The following RO60 variants were observed in gnomAD, a reference collection of about 807,000 sequenced individuals.
RO60 encodes Ro60, Y RNA binding protein.
A neutral mutation model predicts 55.3 loss-of-function variants in RO60; 20 were observed. That is an observed-to-expected ratio of 0.36 (90% CI 0.25 to 0.53). RO60 has a LOEUF of 0.53. Ranked by LOEUF, RO60 falls within the 20% of genes least tolerant of loss-of-function variation. The probability of loss-of-function intolerance (pLI) is 0.92; values close to 1 mark genes in which losing one functional copy is unlikely to be tolerated. For synonymous variants in RO60, 213 were observed against 213.6 expected (o/e 1.00, Z 0.02); for missense variants, 558 against 646.6 (o/e 0.86, Z 1.49).
chr1:193,060,018 C>A (rs1229669745), intron 1 of RO60: 2 of 1,357,382 alleles, frequency 1.5e-6, no homozygotes, highest in Non-Finnish European at 2.0e-6. Flanking sequence ...TGGGCCCTTT[C>A]CGAAGCCGGG....
Position 193,082,599 on chromosome 1 carries a change from T to C in RO60, c.1355T>C (p.Ile452Thr), listed in dbSNP as rs747106346. The part of the protein sequence containing the change: ...AGGTDCSLPM[I>T]WAQKTNTPAD... ...GGAACTGATTGCTCTCTTCCAATGA[T>C]CTGGGCTCAGAAGACAAACACACCT... The change falls in exon 8 of 9, where the codon ATC becomes ACC. Residue 452 changes from isoleucine to threonine, a missense_variant. Coordinates refer to ENST00000400968, the MANE Select transcript of RO60 (RefSeq NM_001173524.2). The C allele has an allele frequency of 2.3e-5, 37 of 1,613,866 alleles. No homozygotes were observed. The highest frequency in any genetic ancestry group is 8.5e-7 in the Non-Finnish European group (1 of 1,179,980).
chr1:193,063,611 C>T (rs566410083), intron 1 of RO60, among the ~76,000 whole-genome samples: 4 of 152,118 alleles, frequency 2.6e-5, no homozygotes, highest in Non-Finnish European at 5.9e-5. Flanking sequence ...TTGGTGTCTG[C>T]GTTCCAACAC....
In RO60 at chr1:193,085,065, C is replaced by T. The variant is rs1384052287; in HGVS notation, c.*334C>T. ...GGTAAGAGCAAAAAGTGTAATTCCA[C>T]ATCATGTTACTTGAGAAGTGCTTAA... On this transcript the variant is annotated 3_prime_UTR_variant, in exon 9 of 9. Coordinates refer to ENST00000400968, the MANE Select transcript of RO60 (RefSeq NM_001173524.2). 2.2e-5 allele frequency: 33 copies of T among 1,508,148 alleles called. 1 individual carries two copies. The highest frequency in any genetic ancestry group is 2.8e-5 in the Non-Finnish European group (32 of 1,133,538). 93.4% of individuals were successfully genotyped at this position (1,508,148 alleles called of 1,614,324 possible).
chr1:193,086,546 AG>A lies in RO60; in HGVS notation c.*1816del. 6.6e-6 allele frequency: 1 copy of A among 152,326 alleles called. No individual in the cohort carries two copies. Among genetic ancestry groups the A allele is most frequent in the East Asian group, 1.9e-4 (1 of 5,194 alleles). The allele number at this position is 152,326 out of a possible 1,614,324, so 9.4% of individuals were successfully genotyped here. Reference sequence around the variant, plus strand: ...GAATTTAAAGTTTAAAGAAACTAATAGAATTACGTAATAGTTATTGAATTGT... The same window carrying A: ...GAATTTAAAGTTTAAAGAAACTAATAAATTACGTAATAGTTATTGAATTGT... On this transcript the variant is annotated 3_prime_UTR_variant, in exon 9 of 9. Transcript: ENST00000400968.
chr1:193,063,136 C>G (rs896599922), intron 1 of RO60, among the ~76,000 whole-genome samples: 8 of 152,166 alleles, frequency 5.3e-5, no homozygotes, highest in African/African-American at 1.4e-4. Context: ...ATTTTACATT[C>G]CCACCAGCAG....
In RO60 at chr1:193,086,993, C is replaced by G. The variant is rs145994077; in HGVS notation, c.*2262C>G. 2 of 152,206 alleles carry G rather than the reference C, an allele frequency of 1.3e-5. No homozygotes were observed. Among genetic ancestry groups the G allele is most frequent in the African/African-American group, 4.8e-5 (2 of 41,546 alleles). The allele number at this position is 152,206 out of a possible 1,614,324, so 9.4% of individuals were successfully genotyped here. ...CCTAGAAATCTTGGTCTCTTCATTC[C>G]TGTGCCAGAATTTATTTCCCCACAA... On this transcript the variant is annotated 3_prime_UTR_variant, in exon 9 of 9. Transcript: ENST00000400968.
At chr1:193,078,555 C>T (rs1674081249) in intron 5 of RO60, among the ~76,000 whole-genome samples, 1 of 152,012 alleles carries the variant, frequency 6.6e-6, no homozygotes, top group Non-Finnish European at 1.5e-5. Flanking sequence ...AAAACCAACA[C>T]ATAAAAATCA....
chr1:193,059,979 G>T lies in RO60; in HGVS notation c.-22+203G>T. 1 of 1,366,318 alleles carries T rather than the reference G, an allele frequency of 7.3e-7. No homozygotes were observed. The highest frequency in any genetic ancestry group is 1.5e-5 in the African/African-American group (1 of 67,864). The allele number at this position is 1,366,318 out of a possible 1,614,324, so 84.6% of individuals were successfully genotyped here. Reference sequence around the variant, plus strand: ...CCAGCATCGCGGTAGGGACATCCTCGCTAGGCCCGGCCGGACCATTCCTCA... The same window carrying T: ...CCAGCATCGCGGTAGGGACATCCTCTCTAGGCCCGGCCGGACCATTCCTCA... On this transcript the variant is annotated intron_variant, in intron 1 of 8. Coordinates refer to ENST00000400968, the MANE Select transcript of RO60 (RefSeq NM_001173524.2). The surrounding 1 kb of genome is among the most constrained non-coding windows in gnomAD (Gnocchi z 4.9).
At position 193,088,824 on chromosome 1, in the gene RO60, GTC is replaced by G. The variant is rs1448374558; in HGVS notation, c.*4095_*4096del. The G allele has an allele frequency of 6.6e-6, 1 of 152,102 alleles. No homozygotes were observed. Among genetic ancestry groups the G allele is most frequent in the Non-Finnish European group, 1.5e-5 (1 of 67,978 alleles). The allele number at this position is 152,102 out of a possible 1,614,324, so 9.4% of individuals were successfully genotyped here. A position where few individuals can be genotyped will look rare whatever the true frequency, so the allele number is the denominator to read the frequency against. On this transcript the variant is annotated 3_prime_UTR_variant, in exon 9 of 9. Coordinates refer to ENST00000400968, the MANE Select transcript of RO60 (RefSeq NM_001173524.2). ...GGATTTTATTTAGTGTTTCCTTGAT[GTC>G]TGTTTCCTCATCTCTTATTTGTTGG...
At position 193,082,804 on chromosome 1, in the gene RO60, G is replaced by C. The variant is rs186437139; in HGVS notation, c.1464+96G>C. 16 of 1,080,082 alleles carry C rather than the reference G, an allele frequency of 1.5e-5. No homozygotes were observed. In the Admixed American group the frequency reaches 3.8e-4, roughly 26 times the overall value. 66.9% of individuals were successfully genotyped at this position (1,080,082 alleles called of 1,614,324 possible). On this transcript the variant is annotated intron_variant, in intron 8 of 8. Transcript: ENST00000400968. ...TTTGGAGACAGGACCTCATTCTGTT[G>C]CCCTGGCTGGAGTGCAGTGGCTCAG...
Position 193,082,619 on chromosome 1 carries a change from A to G in RO60, c.1375A>G (p.Thr459Ala), listed in dbSNP as rs201506454. The change falls in exon 8 of 9, where the codon ACA becomes GCA. Residue 459 changes from threonine to alanine, a missense_variant. Thr to Ala is a moderately conservative substitution (Grantham distance 58). Transcript: ENST00000400968. ...LPMIWAQKTN[T>A]PADVFIVFTD... ...AATGATCTGGGCTCAGAAGACAAAC[A>G]CACCTGCTGATGTCTTCATTGTATT... The G allele has an allele frequency of 2.8e-4, 444 of 1,613,824 alleles. 1 individual carries two copies. Among genetic ancestry groups the G allele is most frequent in the Non-Finnish European group, 2.9e-4 (345 of 1,179,912 alleles).
At chr1:193,082,919 C>G (rs1039000605) in intron 8 of RO60, among the ~76,000 whole-genome samples, 1 of 151,924 alleles carries the variant, frequency 6.6e-6, no homozygotes, top group African/African-American at 2.4e-5. Context: ...AGCGTGCCAC[C>G]ATGCCCACCT....
Position 193,086,701 on chromosome 1 carries a change from A to G in RO60, c.*1970A>G, listed in dbSNP as rs1674638038. 1 of 152,128 alleles carries G rather than the reference A, an allele frequency of 6.6e-6. No individual in the cohort carries two copies. The highest frequency in any genetic ancestry group is 2.4e-5 in the African/African-American group (1 of 41,446). 9.4% of individuals were successfully genotyped at this position (152,128 alleles called of 1,614,324 possible). A position where few individuals can be genotyped will look rare whatever the true frequency, so the allele number is the denominator to read the frequency against. On this transcript the variant is annotated 3_prime_UTR_variant, in exon 9 of 9. Transcript: ENST00000400968. The stretch of plus-strand genomic sequence containing the variant: ...CTATTTCCATAATACTTTTAGACAA[A>G]TATATCTATAAGTTAATATTAAATC...
intron 2 of RO60, 58 bp from the exon 3 acceptor site, chr1:193,075,762 G>A: frequency 3.9e-6 from 5 of 1,283,154 alleles, no homozygotes; most frequent in South Asian, 1.4e-5. Context: ...GAGGAAACAT[G>A]TTCTGTTTTT....
At position 193,087,443 on chromosome 1, in the gene RO60, C is replaced by T. The variant is rs1674666647; in HGVS notation, c.*2712C>T. Reference sequence around the variant, plus strand: ...AACAAAAACTAATCTTATAATCCCACCCTTTATTAGTTGAAAGTTCTTGGA... The same window carrying T: ...AACAAAAACTAATCTTATAATCCCATCCTTTATTAGTTGAAAGTTCTTGGA... On this transcript the variant is annotated 3_prime_UTR_variant, in exon 9 of 9. Transcript: ENST00000400968. 1 of 152,034 alleles carries T rather than the reference C, an allele frequency of 6.6e-6. No homozygotes were observed. The highest frequency in any genetic ancestry group is 2.4e-5 in the African/African-American group (1 of 41,418). The allele number at this position is 152,034 out of a possible 1,614,324, so 9.4% of individuals were successfully genotyped here.
chr1:193,076,852 A>G, intron 4 of RO60, 61 bp from the exon 5 acceptor site: 1 of 1,524,736 alleles, frequency 6.6e-7, no homozygotes, highest in South Asian at 1.2e-5. Flanking sequence ...TAACACAAAA[A>G]TCTAAGGAGT....
intron 2 of RO60, among the ~76,000 whole-genome samples, chr1:193,071,151 G>A (rs990597544): frequency 6.6e-6 from 1 of 152,140 alleles, no homozygotes; most frequent in East Asian, 1.9e-4. Flanking sequence ...AGTAGGATTC[G>A]TGCTCTTATG....
At chr1:193,072,538 T>A (rs1049069679) in intron 2 of RO60, among the ~76,000 whole-genome samples, 1 of 152,114 alleles carries the variant, frequency 6.6e-6, no homozygotes, top group African/African-American at 2.4e-5. Flanking sequence ...TGTGTTAGGA[T>A]TAGAAGGGCC....
chr1:193,067,184 CTT>C (rs1179476737), intron 1 of RO60, among the ~76,000 whole-genome samples: 8 of 129,046 alleles, frequency 6.2e-5, no homozygotes, highest in Admixed American at 2.3e-4. Flanking sequence ...TTTTTTCTTT[CTT>C]TTTTTTTTTT....
Sources: allele counts gnomAD v4.1 joint callset (sites outside exome capture counted in the v4.1 genomes callset), GRCh38; gene constraint gnomAD v4.1.1; non-coding constraint Gnocchi (gnomAD v3.1); transcripts MANE v1.5; gene names NCBI Gene and HGNC (gene_info 2026-07-23, HGNC 2026-07-21).